CYB5R4: variants seen among roughly 807,000 people sequenced by gnomAD.
CYB5R4 encodes cytochrome b5 reductase 4.
CYB5R4 carries 55 observed loss-of-function variants against 70.2 expected under a neutral mutation model. The ratio of observed to expected loss-of-function variants is 0.78; its 90% CI spans 0.63 to 0.98. The LOEUF (loss-of-function observed/expected upper bound fraction) is 0.98. Among genes scored for constraint, CYB5R4 ranks in the 50% least tolerant of loss-of-function variants. CYB5R4 has a pLI of 0.00. For synonymous variants in CYB5R4, 197 were observed against 199.5 expected, an observed-to-expected ratio of 0.99 and a Z score of 0.11; for missense variants, 562 against 612.6, an observed-to-expected ratio of 0.92 and a Z score of 0.87.
At chr6:83,863,006 G>T (rs932881747) in intron 1 of CYB5R4, among the ~76,000 whole-genome samples, 1 of 152,202 alleles carries the variant, frequency 6.6e-6, no homozygotes, top group Non-Finnish European at 1.5e-5. Flanking sequence ...ATCCTTGAAT[G>T]TGTCTGCTTT....
chr6:83,867,572 A>G (rs2099456929), intron 2 of CYB5R4, among the ~76,000 whole-genome samples: 1 of 152,256 alleles, frequency 6.6e-6, no homozygotes, highest in Non-Finnish European at 1.5e-5. Context: ...TTCGGATGAT[A>G]ACAGGAGGTG....
In CYB5R4 at chr6:83,916,105, A is replaced by G. The variant is rs1416322191; in HGVS notation, c.445+1657A>G. 3.3e-5 allele frequency among the ~76,000 whole-genome samples: 5 copies of G among 152,090 alleles called. No homozygotes were observed. The South Asian group carries it at 1.0e-3, about 31-fold the overall frequency. On this transcript the variant is annotated intron_variant, in intron 5 of 15. Transcript: ENST00000369681. Reference sequence around the variant, plus strand: ...CCATGGCTTATTATTCTGTTTTAATAAGATATATCTTAATTATACTAAATA... The same window carrying G: ...CCATGGCTTATTATTCTGTTTTAATGAGATATATCTTAATTATACTAAATA...
intron 10 of CYB5R4, among the ~76,000 whole-genome samples, chr6:83,925,597 G>C (rs944851504): frequency 3.3e-5 from 5 of 152,070 alleles, no homozygotes; most frequent in African/African-American, 9.7e-5. Context: ...GGTAGTATTT[G>C]CTCCTTGTTC....
chr6:83,944,630 T>C (rs981115197), intron 14 of CYB5R4, among the ~76,000 whole-genome samples: 1 of 151,968 alleles, frequency 6.6e-6, no homozygotes, highest in Non-Finnish European at 1.5e-5. Flanking sequence ...AGTGAAAAGG[T>C]ACAGTCTGGC....
At chr6:83,875,866 T>G (rs1028963387) in intron 2 of CYB5R4, among the ~76,000 whole-genome samples, 1 of 152,220 alleles carries the variant, frequency 6.6e-6, no homozygotes, top group Non-Finnish European at 1.5e-5. Context: ...TGGGTCTGTT[T>G]AGTGGATACT....
rs1430286959 is a variant in CYB5R4, at chr6:83,965,397, A to G, written c.*5519A>G. The stretch of plus-strand genomic sequence containing the variant: ...AAAGGAGATCATTTTGGAGCTTTAA[A>G]ATTTGACTGCCCCACTGGATTTTGG... On this transcript the variant is annotated 3_prime_UTR_variant, in exon 16 of 16. Transcript: ENST00000369681. The G allele has an allele frequency of 2.0e-5, 3 of 152,104 alleles. No individual in the cohort carries two copies. The highest frequency in any genetic ancestry group is 4.4e-5 in the Non-Finnish European group (3 of 68,024). 9.4% of individuals were successfully genotyped at this position (152,104 alleles called of 1,614,324 possible). A position where few individuals can be genotyped will look rare whatever the true frequency, so the allele number is the denominator to read the frequency against.
At position 83,936,253 on chromosome 6, in the gene CYB5R4, G is replaced by GT; in HGVS notation, c.986dup (p.Ser330IlefsTer17). On this transcript the variant is annotated frameshift_variant, in exon 12 of 16. Coordinates refer to ENST00000369681, the MANE Select transcript of CYB5R4 (RefSeq NM_016230.4). LOFTEE classifies it high-confidence loss of function. ...AGAAATAGTAAAGCCATATACACCT[G>GT]TATCTGGTTCCTTACTCTCAGAGTT... The GT allele has an allele frequency of 6.2e-7, 1 of 1,601,546 alleles. No homozygotes were observed. Among genetic ancestry groups the GT allele is most frequent in the Non-Finnish European group, 8.5e-7 (1 of 1,175,992 alleles).
rs780710427 is a variant in CYB5R4 at position 83,965,739 on chromosome 6, T to G, written c.*5861T>G. 10 of 152,086 alleles carry G rather than the reference T, an allele frequency of 6.6e-5. No individual in the cohort carries two copies. Among genetic ancestry groups the G allele is most frequent in the Non-Finnish European group, 1.3e-4 (9 of 68,016 alleles). 9.4% of individuals were successfully genotyped at this position (152,086 alleles called of 1,614,324 possible). ...GTTTGGCTCTGTGTCCCCACCCAAA[T>G]TTCATCTTGAATTATACTCCCATAA... On this transcript the variant is annotated 3_prime_UTR_variant, in exon 16 of 16. Transcript: ENST00000369681.
chr6:83,867,069 C>A (rs546736917), intron 2 of CYB5R4, among the ~76,000 whole-genome samples: 4 of 152,120 alleles, frequency 2.6e-5, no homozygotes, highest in Admixed American at 2.6e-4. Flanking sequence ...TCAGTTTAGA[C>A]CCTGCTGATG....
In CYB5R4 at chr6:83,940,130, T is replaced by C. The variant is rs779583524; in HGVS notation, c.1183T>C (p.Leu395=). The change falls in exon 13 of 16, where the codon TTG becomes CTG. Residue 395 remains leucine, a synonymous_variant. Coordinates refer to ENST00000369681, the MANE Select transcript of CYB5R4 (RefSeq NM_016230.4). ...SKFQELEDLF[L]LAAGTGFTPM... is the part of the protein sequence containing the mutation. ...GTTCCAAGAATTAGAAGATCTCTTT[T>C]TGTTGGCAGCTGGAACAGGCTTCAC... The C allele has an allele frequency of 2.5e-6, 4 of 1,613,120 alleles. No individual in the cohort carries two copies. Among genetic ancestry groups the C allele is most frequent in the Non-Finnish European group, 3.4e-6 (4 of 1,179,332 alleles).
At position 83,936,516 on chromosome 6, in the gene CYB5R4, C is replaced by T. The variant is rs1205788104; in HGVS notation, c.1108+140C>T. ...CCAAAGTTATCTTCTCCTTGTCCTA[C>T]ACAGCGTGGCCATGCTCCATATTCC... On this transcript the variant is annotated intron_variant, in intron 12 of 15. Coordinates refer to ENST00000369681, the MANE Select transcript of CYB5R4 (RefSeq NM_016230.4). 8.6e-6 allele frequency: 6 copies of T among 694,394 alleles called. No individual in the cohort carries two copies. The East Asian group carries it at 1.5e-4, about 17-fold the overall frequency. The allele number at this position is 694,394 out of a possible 1,614,324, so 43.0% of individuals were successfully genotyped here.
At chr6:83,865,224 T>TA (rs1588557248) in intron 2 of CYB5R4, among the ~76,000 whole-genome samples, 1 of 152,196 alleles carries the variant, frequency 6.6e-6, no homozygotes, top group Non-Finnish European at 1.5e-5. Flanking sequence ...GTGTAACACT[T>TA]ACTTTTAAGA....
rs2099473771 is a variant in CYB5R4 at position 83,964,418 on chromosome 6, T to A, written c.*4540T>A. ...ATTTAGCAAAGAGACTGGCGGCATTTTGCCCCTGCCCTGGAGATTTGTGGA... is the reference window on the plus strand; with the variant it reads ...ATTTAGCAAAGAGACTGGCGGCATTATGCCCCTGCCCTGGAGATTTGTGGA... On this transcript the variant is annotated 3_prime_UTR_variant, in exon 16 of 16. Transcript: ENST00000369681. The A allele has an allele frequency of 6.6e-6, 1 of 152,562 alleles. No individual in the cohort carries two copies. The highest frequency in any genetic ancestry group is 1.5e-5 in the Non-Finnish European group (1 of 68,364). The allele number at this position is 152,562 out of a possible 1,614,324, so 9.5% of individuals were successfully genotyped here. A position where few individuals can be genotyped will look rare whatever the true frequency, so the allele number is the denominator to read the frequency against.
At chr6:83,958,837 G>A (rs1256601364) in intron 15 of CYB5R4, among the ~76,000 whole-genome samples, 1 of 152,134 alleles carries the variant, frequency 6.6e-6, no homozygotes, top group African/African-American at 2.4e-5. Context: ...CTATAAAAAT[G>A]AATAAATAAT....
intron 3 of CYB5R4, among the ~76,000 whole-genome samples, chr6:83,904,593 C>T (rs556341878): frequency 6.6e-6 from 1 of 152,274 alleles, no homozygotes; most frequent in Admixed American, 6.5e-5. Flanking sequence ...ATTTTTCTCC[C>T]TAGATGATCC....
intron 2 of CYB5R4, among the ~76,000 whole-genome samples, chr6:83,888,914 A>G (rs954161904): frequency 2.0e-5 from 3 of 152,210 alleles, no homozygotes; most frequent in Non-Finnish European, 4.4e-5. Flanking sequence ...TGATATAAGA[A>G]AGCAAAACAA....
intron 2 of CYB5R4, among the ~76,000 whole-genome samples, chr6:83,887,888 A>G (rs16874081): frequency 6.6e-6 from 1 of 152,130 alleles, no homozygotes; most frequent in African/African-American, 2.4e-5. Flanking sequence ...ACCCATGTCA[A>G]TGATCTAAAA....
chr6:83,897,891 G>A (rs111309702), intron 3 of CYB5R4, among the ~76,000 whole-genome samples: 9 of 152,052 alleles, frequency 5.9e-5, no homozygotes, highest in African/African-American at 1.9e-4. Flanking sequence ...AAGCTCTTTC[G>A]TTTAATTAGA....
chr6:83,876,977 G>A (rs559954206), intron 2 of CYB5R4, among the ~76,000 whole-genome samples: 78 of 152,172 alleles, frequency 5.1e-4, no homozygotes, highest in Non-Finnish European at 9.0e-4. Context: ...GAGTACAGGC[G>A]TGTGCTACCA....
Sources: allele counts gnomAD v4.1 joint callset (sites outside exome capture counted in the v4.1 genomes callset), GRCh38; gene constraint gnomAD v4.1.1; transcripts MANE v1.5; gene names NCBI Gene and HGNC (gene_info 2026-07-23, HGNC 2026-07-21).